FAM228B: variants seen among roughly 807,000 people sequenced by gnomAD.
FAM228B encodes family with sequence similarity 228 member B, also known as protein FAM228B.
Under a neutral mutation model 42.6 loss-of-function variants are expected in FAM228B, and 38 were observed. The observed-to-expected ratio is 0.89, with a 90% CI of 0.69 to 1.17. FAM228B has a LOEUF of 1.17. Ranked by LOEUF, FAM228B falls within the 50% of genes most tolerant of loss-of-function variation. FAM228B has a pLI of 0.00. For missense variants in FAM228B, 344 were observed against 367.3 expected, an observed-to-expected ratio of 0.94 and a Z score of 0.52; for synonymous variants, 109 against 122.3, an observed-to-expected ratio of 0.89 and a Z score of 0.72.
chr2:24,153,633 G>A (rs1314179948), intron 7 of FAM228B, among the ~76,000 whole-genome samples: 2 of 152,180 alleles, frequency 1.3e-5, no homozygotes, highest in African/African-American at 4.8e-5. Flanking sequence ...GTCACCTTTG[G>A]AGTTGCTGCA....
At chr2:24,164,134 T>C in intron 8 of FAM228B, 64 bp from the exon 9 acceptor site, 1 of 1,372,218 alleles carries the variant, frequency 7.3e-7, no homozygotes, top group Non-Finnish European at 9.7e-7. Context: ...TAAATAAAAA[T>C]ATTAAGTGCT....
intron 3 of FAM228B, among the ~76,000 whole-genome samples, chr2:24,136,016 C>T (rs1330903445): frequency 2.3e-4 from 9 of 38,544 alleles, no homozygotes; most frequent in South Asian, 7.8e-4. Flanking sequence ...TTTTCTTCCT[C>T]TTTTTCTGCC....
In FAM228B at chr2:24,164,261, T is replaced by C. The variant is rs1227462443; in HGVS notation, c.858T>C (p.Ser286=). The part of the protein sequence containing the change: ...PLCYQEGNNP[S]AKEAISEGYF... ...GCTATCAGGAGGGAAATAATCCAAG[T>C]GCCAAAGAGGCCATCTCTGAAGGGT... is the stretch of plus-strand genomic sequence containing the variant. The change falls in exon 9 of 11, where the codon AGT becomes AGC. Residue 286 remains serine, a synonymous_variant. Transcript: ENST00000615575. The C allele has an allele frequency of 3.2e-6, 5 of 1,551,366 alleles. No homozygotes were observed. The Admixed American group carries it at 7.8e-5, about 24-fold the overall frequency.
intron 2 of FAM228B, among the ~76,000 whole-genome samples, chr2:24,092,762 G>A (rs937008734): frequency 3.3e-5 from 5 of 152,032 alleles, no homozygotes; most frequent in African/African-American, 1.2e-4. Flanking sequence ...CATCACTAAG[G>A]GAATGGCTGC....
At chr2:24,141,878 A>G (rs1436586396) in intron 5 of FAM228B, among the ~76,000 whole-genome samples, 2 of 151,956 alleles carry the variant, frequency 1.3e-5, no homozygotes, top group South Asian at 2.1e-4. Context: ...CAGCCTCCCA[A>G]TTCTTGGTGG....
At chr2:24,166,049 A>AT (rs1334842583) in intron 9 of FAM228B, 18 of 102,654 alleles carry the variant, frequency 1.8e-4, no homozygotes, top group African/African-American at 7.0e-4. Context: ...TCTAAAAAAA[A>AT]AAAAAATATA....
Position 24,077,406 on chromosome 2 carries a change from G to T in FAM228B, c.-290+437G>T. The T allele has an allele frequency of 2.8e-6, 2 of 702,094 alleles. No individual in the cohort carries two copies. Among genetic ancestry groups the T allele is most frequent in the Non-Finnish European group, 4.3e-6 (2 of 469,232 alleles). 43.5% of individuals were successfully genotyped at this position (702,094 alleles called of 1,614,324 possible). ...TCCGGACTCCCACCTCAACCCCGCCGCGGCGGCCCCAGTCCGCGTGCCACC... is the reference window on the plus strand; with the variant it reads ...TCCGGACTCCCACCTCAACCCCGCCTCGGCGGCCCCAGTCCGCGTGCCACC... On this transcript the variant is annotated intron_variant, in intron 1 of 10. Transcript: ENST00000613899. This position sits in a 1 kb window ranked among gnomAD's most constrained non-coding sequence, Gnocchi z 5.5.
At chr2:24,135,218 TA>T in intron 3 of FAM228B, 31 bp downstream of exon 3, 2 of 1,221,184 alleles carry the variant, frequency 1.6e-6, no homozygotes, top group East Asian at 2.6e-5. Flanking sequence ...GCATCTCAGT[TA>T]AAAATTAAAT....
At chr2:24,082,752 G>A (rs529911307) in intron 2 of FAM228B, 88 of 1,254,326 alleles carry the variant, frequency 7.0e-5, no homozygotes, top group Non-Finnish European at 9.2e-5. Context: ...CTTCTAACAT[G>A]GTTTGAGGAC....
intron 5 of FAM228B, among the ~76,000 whole-genome samples, chr2:24,142,094 T>C (rs1666765606): frequency 6.6e-6 from 1 of 152,204 alleles, no homozygotes; most frequent in South Asian, 2.1e-4. Flanking sequence ...CGCCCTGCTC[T>C]GTACTCTTTA....
intron 5 of FAM228B, 128 bp downstream of exon 5, chr2:24,139,578 G>T (rs1384365401): frequency 8.6e-6 from 4 of 463,780 alleles, no homozygotes; most frequent in Non-Finnish European, 1.5e-5. Flanking sequence ...GTTTCCCATC[G>T]CCTGATCTTA....
chr2:24,103,644 G>A (rs1665649014), intron 3 of FAM228B, among the ~76,000 whole-genome samples: 1 of 152,232 alleles, frequency 6.6e-6, no homozygotes, highest in Non-Finnish European at 1.5e-5. Flanking sequence ...CTCCCACTAG[G>A]CACCCAGCAA....
At chr2:24,141,236 G>A (rs1666738352) in intron 5 of FAM228B, among the ~76,000 whole-genome samples, 2 of 151,754 alleles carry the variant, frequency 1.3e-5, no homozygotes, top group Non-Finnish European at 2.9e-5. Context: ...CACCAGGCCT[G>A]GCTAATTTTT....
upstream of FAM228B, among the ~76,000 whole-genome samples, chr2:24,118,549 A>G (rs1488847238): frequency 2.0e-5 from 3 of 152,222 alleles, no homozygotes; most frequent in African/African-American, 2.4e-5. Flanking sequence ...GGGATTCACA[A>G]TCTAGATAAA....
At chr2:24,103,990 CAT>C (rs1665656032) in intron 3 of FAM228B, among the ~76,000 whole-genome samples, 1 of 152,184 alleles carries the variant, frequency 6.6e-6, no homozygotes, top group Non-Finnish European at 1.5e-5. Context: ...AGAGGCAGCT[CAT>C]GTGTGCTGCT....
upstream of FAM228B, among the ~76,000 whole-genome samples, chr2:24,120,683 G>A (rs1183749061): frequency 6.6e-6 from 1 of 151,540 alleles, no homozygotes; most frequent in Non-Finnish European, 1.5e-5. Context: ...AGCCTCCCAA[G>A]TAGCTGGGAT....
At chr2:24,102,706 C>T (rs891764384) in intron 3 of FAM228B, among the ~76,000 whole-genome samples, 1 of 152,150 alleles carries the variant, frequency 6.6e-6, no homozygotes, top group African/African-American at 2.4e-5. Flanking sequence ...CCATTGCACT[C>T]CAGCCTGGGC....
intron 4 of FAM228B, among the ~76,000 whole-genome samples, chr2:24,138,398 C>T (rs1260213554): frequency 5.9e-5 from 9 of 152,058 alleles, no homozygotes; most frequent in Non-Finnish European, 1.2e-4. Flanking sequence ...TGCAATGGCA[C>T]GATCTTGGCT....
At chr2:24,149,621 C>T (rs1319501943) in intron 7 of FAM228B, among the ~76,000 whole-genome samples, 5 of 152,064 alleles carry the variant, frequency 3.3e-5, no homozygotes, top group African/African-American at 7.2e-5. Flanking sequence ...TTAGTAGAGA[C>T]GGGGTTTCAC....
Sources: gnomAD v4.1 joint callset for allele counts (sites outside exome capture counted in the v4.1 genomes callset) on GRCh38, gnomAD v4.1.1 for gene constraint, Gnocchi (gnomAD v3.1) non-coding constraint, MANE v1.5 for transcripts, NCBI Gene and HGNC (gene_info 2026-07-23, HGNC 2026-07-21) for gene names.